The following RBM34 variants were observed in gnomAD, a reference collection of about 807,000 sequenced individuals.
RBM34 encodes the protein RNA-binding protein 34.
A neutral mutation model predicts 44.6 loss-of-function variants in RBM34; 39 were observed. That is an observed-to-expected ratio of 0.87 (90% CI 0.68 to 1.14). The LOEUF is 1.14. Among genes scored for constraint, RBM34 ranks in the 50% most tolerant of loss-of-function variants. RBM34 has a pLI of 0.00. For missense variants in RBM34, 572 were observed against 517.9 expected (o/e 1.10, Z -1.01); for synonymous variants, 194 against 184.0 (o/e 1.05, Z -0.44).
chr1:235,156,037 ATT>A (rs1378212086), intron 3 of RBM34, among the ~76,000 whole-genome samples: 1 of 134,184 alleles, frequency 7.5e-6, no homozygotes, highest in Non-Finnish European at 1.6e-5. Flanking sequence ...AGCCCAGCTA[ATT>A]TTTTTTTTTT....
chr1:235,141,183 ACT>A (rs1423914960), intron 6 of RBM34, among the ~76,000 whole-genome samples: 8 of 151,154 alleles, frequency 5.3e-5, no homozygotes, highest in Non-Finnish European at 1.2e-4. Context: ...ACCAATCGAC[ACT>A]CTGTATCTAG....
At chr1:235,134,485 T>C (rs1196697004) in intron 10 of RBM34, among the ~76,000 whole-genome samples, 1 of 152,090 alleles carries the variant, frequency 6.6e-6, no homozygotes, top group Non-Finnish European at 1.5e-5. Flanking sequence ...CTCCTTAATA[T>C]TGTCAGGCAT....
At chr1:235,156,711 A>T (rs1326877267) in intron 3 of RBM34, 2 of 424,912 alleles carry the variant, frequency 4.7e-6, no homozygotes, top group Non-Finnish European at 9.4e-6. Context: ...GAGGGAAGAG[A>T]AGAGCTAATA....
chr1:235,147,058 C>G (rs1244895783), intron 6 of RBM34, among the ~76,000 whole-genome samples: 8 of 152,140 alleles, frequency 5.3e-5, no homozygotes, highest in African/African-American at 2.4e-5. Context: ...TAATGAGACT[C>G]TGTGTCTACA....
At chr1:235,132,321 T>C (rs1661242391) in intron 10 of RBM34, among the ~76,000 whole-genome samples, 1 of 152,196 alleles carries the variant, frequency 6.6e-6, no homozygotes. Context: ...TTCTTTTTTC[T>C]TTTTTTGAGA....
At chr1:235,143,822 G>A (rs1661789013) in intron 6 of RBM34, among the ~76,000 whole-genome samples, 1 of 152,092 alleles carries the variant, frequency 6.6e-6, no homozygotes, top group African/African-American at 2.4e-5. Flanking sequence ...AACAAATACT[G>A]TCATACAAGG....
intron 10 of RBM34, among the ~76,000 whole-genome samples, chr1:235,132,677 T>C (rs1661265686): frequency 6.6e-6 from 1 of 152,068 alleles, no homozygotes; most frequent in Non-Finnish European, 1.5e-5. Flanking sequence ...CCCATTGTAT[T>C]AGCTGACCAG....
rs967730375 is a variant in RBM34, at chr1:235,155,115, T to G, written c.366-3A>C. 7 of 1,608,532 alleles carry G rather than the reference T, an allele frequency of 4.4e-6. No individual in the cohort carries two copies. Among genetic ancestry groups the G allele is most frequent in the Non-Finnish European group, 5.9e-6 (7 of 1,178,714 alleles). ...CAGCACTCGCTAGAGCGCTTTCCCT[T>G]TTTAAGGCAAAAAATAAAATAAGCA... On this transcript the variant is annotated splice_polypyrimidine_tract_variant and splice_region_variant and intron_variant, in intron 3 of 10. Transcript: ENST00000408888.
In RBM34 at chr1:235,131,964, T is replaced by G. The variant is rs1338203275; in HGVS notation, c.1042A>C (p.Asn348His). The G allele has an allele frequency of 1.2e-6, 2 of 1,603,848 alleles. No homozygotes were observed. The highest frequency in any genetic ancestry group is 1.7e-6 in the Non-Finnish European group (2 of 1,175,008). The change falls in exon 11 of 11, where the codon AAT becomes CAT. Residue 348 changes from asparagine to histidine, a missense_variant. Physicochemically the swap from Asn to His is moderately conservative, Grantham distance 68 (BLOSUM62 1). Coordinates refer to ENST00000408888, the MANE Select transcript of RBM34 (RefSeq NM_015014.4). ...TDSVHLALKL[N>H]NSELMGRKLR... ...TTTCTCCCCATGAGTTCAGAATTATTTAATTTCAGAGCAAGATGAACAGAA... is the reference window on the plus strand; with the variant it reads ...TTTCTCCCCATGAGTTCAGAATTATGTAATTTCAGAGCAAGATGAACAGAA...
chr1:235,159,500 A>G (rs1383159485), intron 3 of RBM34, among the ~76,000 whole-genome samples: 1 of 150,588 alleles, frequency 6.6e-6, no homozygotes. Context: ...GTGAGTCAAG[A>G]TTGCGCCACT....
chr1:235,159,257 G>T (rs894343103), intron 3 of RBM34, among the ~76,000 whole-genome samples: 1 of 149,408 alleles, frequency 6.7e-6, no homozygotes, highest in South Asian at 2.1e-4. Flanking sequence ...ATAAATTTAA[G>T]AACACCAAAC....
chr1:235,143,910 G>A (rs1386598032), intron 6 of RBM34, among the ~76,000 whole-genome samples: 1 of 152,160 alleles, frequency 6.6e-6, no homozygotes, highest in East Asian at 1.9e-4. Flanking sequence ...CAGGCACGGT[G>A]GCTCAAGCCT....
In RBM34 at chr1:235,155,189, C is replaced by A. The variant is rs1466787975; in HGVS notation, c.366-77G>T. 7 of 1,095,578 alleles carry A rather than the reference C, an allele frequency of 6.4e-6. No individual in the cohort carries two copies. In the East Asian group the frequency reaches 1.7e-4, roughly 26 times the overall value. The allele number at this position is 1,095,578 out of a possible 1,614,324, so 67.9% of individuals were successfully genotyped here. ...TAGTATTTGACAAAGCACAGCCCTA[C>A]CCTCCCGACTAGAAATATTTCCCAA... On this transcript the variant is annotated intron_variant, in intron 3 of 10. Transcript: ENST00000408888.
intron 6 of RBM34, among the ~76,000 whole-genome samples, chr1:235,138,536 TA>T (rs1380269878): frequency 1.3e-5 from 2 of 152,186 alleles, no homozygotes; most frequent in Admixed American, 1.3e-4. Flanking sequence ...TTTTCCTCTT[TA>T]CTGTGAAACA....
chr1:235,139,604 C>G (rs1270061468), intron 6 of RBM34, among the ~76,000 whole-genome samples: 1 of 152,166 alleles, frequency 6.6e-6, no homozygotes, highest in African/African-American at 2.4e-5. Flanking sequence ...AGTGCACCCC[C>G]AGGAACAAAT....
At chr1:235,152,552 A>G in intron 5 of RBM34, 154 bp downstream of exon 5, 1 of 1,395,466 alleles carries the variant, frequency 7.2e-7, no homozygotes, top group Non-Finnish European at 9.4e-7. Context: ...AGTCAGCAGT[A>G]GATAGTAAGA....
At position 235,131,860 on chromosome 1, in the gene RBM34, T is replaced by C; in HGVS notation, c.1146A>G (p.Lys382=). The change falls in exon 11 of 11, where the codon AAA becomes AAG. Residue 382 remains lysine (K), a synonymous_variant. Coordinates refer to ENST00000408888, the MANE Select transcript of RBM34 (RefSeq NM_015014.4). ...AAGTAAAATTAAGTCCCTGCTTAGG[T>C]TTACTGACATTCTTCAATCGTGGAT... ...NSNPRLKNVS[K]PKQGLNFTSK... 6.2e-7 allele frequency: 1 copy of C among 1,614,138 alleles called. No individual in the cohort carries two copies. Among genetic ancestry groups the C allele is most frequent in the South Asian group, 1.1e-5 (1 of 91,082 alleles).
Position 235,136,067 on chromosome 1 carries a change from T to C in RBM34, c.856A>G (p.Lys286Glu), listed in dbSNP as rs913255595. Residue 286 changes from lysine (K) to glutamate (E), a missense_variant, in exon 9 of 11, where the codon AAG (lysine) becomes GAG (glutamate). Lys to Glu is a moderately conservative substitution (Grantham distance 56). Coordinates refer to ENST00000408888, the MANE Select transcript of RBM34 (RefSeq NM_015014.4). ...DLASETSSRDKRSVFVGNLPY... is the reference protein window; with the variant it reads ...DLASETSSRDERSVFVGNLPY... ...AGATTCCCCACAAAAACCGATCTCT[T>C]GTCTCTCTGAAACAAAAAGACAGTT... 4 of 1,600,144 alleles carry C rather than the reference T, an allele frequency of 2.5e-6. No individual in the cohort carries two copies. The highest frequency in any genetic ancestry group is 1.7e-5 in the Admixed American group (1 of 59,352).
chr1:235,155,856 TATATATATATAC>T (rs1451604210), intron 3 of RBM34, among the ~76,000 whole-genome samples: 2 of 43,914 alleles, frequency 4.6e-5, no homozygotes, highest in African/African-American at 2.8e-4. Context: ...TATATATATA[TATATATATATAC>T]ATATATACTT....
Sources: allele counts gnomAD v4.1 joint callset (sites outside exome capture counted in the v4.1 genomes callset), GRCh38; gene constraint gnomAD v4.1.1; transcripts MANE v1.5; gene names NCBI Gene and HGNC (gene_info 2026-07-23, HGNC 2026-07-21).